NGFR: variants seen among roughly 807,000 people sequenced by gnomAD.
NGFR encodes the protein tumor necrosis factor receptor superfamily member 16.
NGFR carries 30 observed loss-of-function variants against 43.2 expected under a neutral mutation model. The observed-to-expected ratio is 0.69, with a 90% CI of 0.52 to 0.94. NGFR has a LOEUF of 0.94. Among genes scored for constraint, NGFR ranks in the 40% least tolerant of loss-of-function variants. The pLI, the probability that NGFR is intolerant of heterozygous loss-of-function variation, is 0.00. For synonymous variants in NGFR, 246 were observed against 259.6 expected, an observed-to-expected ratio of 0.95 and a Z score of 0.50; for missense variants, 529 against 602.5, an observed-to-expected ratio of 0.88 and a Z score of 1.28.
chr17:49,510,894 C>T, intron 4 of NGFR: 2 of 558,936 alleles, frequency 3.6e-6, no homozygotes, highest in Non-Finnish European at 6.4e-6. Context: ...TGGCTCCAGC[C>T]CCTCCCACTC....
chr17:49,501,999 A>AGGGGCCCCCCCC, intron 1 of NGFR, 64 bp from the exon 2 acceptor site: 3 of 330,980 alleles, frequency 9.1e-6, no homozygotes, highest in Non-Finnish European at 5.9e-6. Flanking sequence ...TCCCCGGAAG[A>AGGGGCCCCCCCC]ACCCCCCCCA....
chr17:49,503,816 G>A (rs1386867407), intron 2 of NGFR, among the ~76,000 whole-genome samples: 2 of 152,150 alleles, frequency 1.3e-5, no homozygotes, highest in African/African-American at 4.8e-5. Context: ...CTCCAAATCT[G>A]CCTCTCTTGC....
rs200539780 is a variant in NGFR at position 49,510,524 on chromosome 17, G to C, written c.681G>C (p.Thr227=). 2 of 1,614,102 alleles carry C rather than the reference G, an allele frequency of 1.2e-6. No individual in the cohort carries two copies. Among genetic ancestry groups the C allele is most frequent in the South Asian group, 1.1e-5 (1 of 91,078 alleles). ...APPEQDLIAS[T]VAGVVTTVMG... ...CAGAACAAGACCTCATAGCCAGCACGGTGGCAGGTGTGGTGACCACAGTGA... is the reference window on the plus strand; with the variant it reads ...CAGAACAAGACCTCATAGCCAGCACCGTGGCAGGTGTGGTGACCACAGTGA... The change falls in exon 4 of 6, where the codon ACG becomes ACC. Residue 227 remains threonine, a synonymous_variant. Coordinates refer to ENST00000172229, the MANE Select transcript of NGFR (RefSeq NM_002507.4).
intron 2 of NGFR, among the ~76,000 whole-genome samples, chr17:49,503,352 C>T (rs1331567977): frequency 1.3e-5 from 2 of 152,192 alleles, no homozygotes; most frequent in African/African-American, 4.8e-5. Context: ...GGTCCCTGAT[C>T]GGTGCCCCCA....
chr17:49,511,577 A>G (rs1453334849), intron 4 of NGFR, among the ~76,000 whole-genome samples: 2 of 146,584 alleles, frequency 1.4e-5, no homozygotes, highest in African/African-American at 2.5e-5. Flanking sequence ...AAATCCTTTT[A>G]TATGTCACTG....
intron 3 of NGFR, 35 bp downstream of exon 3, chr17:49,506,693 T>C (rs991428489): frequency 7.8e-5 from 9 of 115,494 alleles, no homozygotes; most frequent in Non-Finnish European, 9.2e-5. Flanking sequence ...GGAGTGGGGG[T>C]GCGGGGGTGG....
rs2071218831 is a variant in NGFR at position 49,509,536 on chromosome 17, G to A, written c.569-876G>A. Among the ~76,000 whole-genome samples, 3 of 152,296 alleles carry A rather than the reference G, an allele frequency of 2.0e-5. No individual in the cohort carries two copies. The South Asian group carries it at 6.2e-4, about 32-fold the overall frequency. ...GCTGGGTCCCCTGCCAGGGAGGCTG[G>A]CAATGCCCAGCTAGCATGAGAGGGT... On this transcript the variant is annotated intron_variant, in intron 3 of 5. Coordinates refer to ENST00000172229, the MANE Select transcript of NGFR (RefSeq NM_002507.4).
At chr17:49,506,115 G>A in intron 2 of NGFR, 184 bp from the exon 3 acceptor site, 2 of 1,225,920 alleles carry the variant, frequency 1.6e-6, no homozygotes, top group Non-Finnish European at 2.1e-6. Flanking sequence ...CCCTTTCCCA[G>A]TTGGCTGCCA....
At chr17:49,502,581 G>GT (rs1214351251) in intron 2 of NGFR, among the ~76,000 whole-genome samples, 1 of 152,202 alleles carries the variant, frequency 6.6e-6, no homozygotes, top group Admixed American at 6.5e-5. Flanking sequence ...TCCCCGGTGT[G>GT]TTTGGGGGAA....
intron 2 of NGFR, among the ~76,000 whole-genome samples, chr17:49,503,931 G>A (rs2071181766): frequency 6.6e-6 from 1 of 152,186 alleles, no homozygotes; most frequent in Admixed American, 6.5e-5. Context: ...AGGACACCAG[G>A]AGAGGGAAGT....
intron 2 of NGFR, among the ~76,000 whole-genome samples, chr17:49,502,822 TCC>T (rs2071175003): frequency 1.7e-5 from 2 of 117,196 alleles, no homozygotes; most frequent in Non-Finnish European, 3.8e-5. Flanking sequence ...ATTTCTTCCT[TCC>T]TTCCTTCCTT....
intron 2 of NGFR, among the ~76,000 whole-genome samples, chr17:49,503,779 G>T (rs1241189850): frequency 6.6e-6 from 1 of 152,180 alleles, no homozygotes; most frequent in Admixed American, 6.5e-5. Context: ...CAGGGCGGGG[G>T]TGGCCAACCA....
At chr17:49,508,199 G>C (rs1454446501) in intron 3 of NGFR, among the ~76,000 whole-genome samples, 1 of 152,248 alleles carries the variant, frequency 6.6e-6, no homozygotes, top group Non-Finnish European at 1.5e-5. Context: ...TCAGCAGCCA[G>C]GCATCAGGCA....
chr17:49,511,746 A>C, intron 4 of NGFR, 146 bp from the exon 5 acceptor site: 1 of 937,280 alleles, frequency 1.1e-6, no homozygotes. Context: ...GCAGATGTGC[A>C]AAGAGGAGCC....
In NGFR at chr17:49,512,404, C is replaced by A. The variant is rs557705115; in HGVS notation, c.983-304C>A. On this transcript the variant is annotated intron_variant, in intron 5 of 5. Transcript: ENST00000172229. The surrounding 1 kb of genome is among the most constrained non-coding windows in gnomAD (Gnocchi z 5.2). ...TAATTAGTGGCCCATAGCCCAGCTC[C>A]GGGACACTTGCTGTAGTTGTCTAGA... 6.6e-6 allele frequency among the ~76,000 whole-genome samples: 1 copy of A among 152,192 alleles called. No homozygotes were observed. Among genetic ancestry groups the A allele is most frequent in the African/African-American group, 2.4e-5 (1 of 41,440 alleles).
In NGFR at chr17:49,495,809, C is replaced by A. The variant is rs996697945; in HGVS notation, c.66+326C>A. 1 of 318,494 alleles carries A rather than the reference C, an allele frequency of 3.1e-6. No homozygotes were observed. The highest frequency in any genetic ancestry group is 5.7e-6 in the Non-Finnish European group (1 of 174,726). 19.7% of individuals were successfully genotyped at this position (318,494 alleles called of 1,614,324 possible). ...GATGCCCAGGTTCTTCGGAAGAGGACACTCGAATGCCGGGATCCCGAAGGG... is the reference window on the plus strand; with the variant it reads ...GATGCCCAGGTTCTTCGGAAGAGGAAACTCGAATGCCGGGATCCCGAAGGG... On this transcript the variant is annotated intron_variant, in intron 1 of 5. Transcript: ENST00000172229. This position sits in a 1 kb window ranked among gnomAD's most constrained non-coding sequence, Gnocchi z 6.4.
intron 1 of NGFR, among the ~76,000 whole-genome samples, chr17:49,500,139 G>A (rs1319010646): frequency 6.6e-6 from 1 of 152,046 alleles, no homozygotes; most frequent in African/African-American, 2.4e-5. Flanking sequence ...TCCCTGTATT[G>A]CAGCCCAGAG....
intron 2 of NGFR, 107 bp from the exon 3 acceptor site, chr17:49,506,192 G>A: frequency 6.7e-7 from 1 of 1,487,630 alleles, no homozygotes; most frequent in East Asian, 2.3e-5. Flanking sequence ...AAGGCTGAAG[G>A]AGGAAGTCAG....
At position 49,502,649 on chromosome 17, in the gene NGFR, G is replaced by T. The variant is rs543666161; in HGVS notation, c.208+445G>T. On this transcript the variant is annotated intron_variant, in intron 2 of 5. Transcript: ENST00000172229. ...AGGCTGACCTTGGGGGATCCTGGGG[G>T]TGTGGCTGTTCCTCCCTACAGGCCA... is the stretch of plus-strand genomic sequence containing the variant. Among the ~76,000 whole-genome samples, 7 of 152,296 alleles carry T rather than the reference G, an allele frequency of 4.6e-5. No homozygotes were observed. The South Asian group carries it at 1.5e-3, about 32-fold the overall frequency.
Sources: gnomAD v4.1 joint callset for allele counts (sites outside exome capture counted in the v4.1 genomes callset) on GRCh38, gnomAD v4.1.1 for gene constraint, Gnocchi (gnomAD v3.1) non-coding constraint, MANE v1.5 for transcripts, NCBI Gene and HGNC (gene_info 2026-07-23, HGNC 2026-07-21) for gene names.